Variants in EPHA4 observed in about 807,000 individuals in gnomAD.
EPHA4 encodes the protein EPH receptor A4, also known as ephrin type-A receptor 4.
In EPHA4, 19 loss-of-function variants were observed where a neutral mutation model predicts 108.3. That is an observed-to-expected ratio of 0.18 (90% confidence interval 0.12 to 0.26). The LOEUF is 0.26. Among genes scored for constraint, EPHA4 ranks in the 10% least tolerant of loss-of-function variants. The probability of loss-of-function intolerance (pLI) is 1.00; values close to 1 mark genes in which losing one functional copy is unlikely to be tolerated. For missense variants in EPHA4, 917 were observed against 1,254.0 expected, an observed-to-expected ratio of 0.73 and a Z score of 4.06; for synonymous variants, 449 against 455.5, an observed-to-expected ratio of 0.99 and a Z score of 0.18.
intron 5 of EPHA4, among the ~76,000 whole-genome samples, chr2:221,478,966 C>T (rs1285666890): frequency 6.6e-6 from 1 of 152,164 alleles, no homozygotes; most frequent in Non-Finnish European, 1.5e-5. Flanking sequence ...AGAAGGGGAG[C>T]AAAAGGGTGT....
chr2:221,421,548 G>A (rs749644464), intron 17 of EPHA4, among the ~76,000 whole-genome samples: 2 of 152,194 alleles, frequency 1.3e-5, no homozygotes, highest in African/African-American at 4.8e-5. Context: ...CTAATCAGCC[G>A]CAGGCTGGAA....
At chr2:221,516,136 T>C (rs1692981652) in intron 3 of EPHA4, among the ~76,000 whole-genome samples, 1 of 152,102 alleles carries the variant, frequency 6.6e-6, no homozygotes, top group Admixed American at 6.5e-5. Context: ...CCCTGCTATG[T>C]AGAAGTGGAG....
chr2:221,572,541 A>G, upstream of EPHA4: 1 of 234,470 alleles, frequency 4.3e-6, no homozygotes. Flanking sequence ...TGCCGGAGGG[A>G]GCCAGCGGGA....
At chr2:221,471,628 G>A (rs981350622) in intron 5 of EPHA4, among the ~76,000 whole-genome samples, 1 of 152,138 alleles carries the variant, frequency 6.6e-6, no homozygotes, top group South Asian at 2.1e-4. Flanking sequence ...CAGTGAGATA[G>A]AAAGGGCTCT....
intron 8 of EPHA4, among the ~76,000 whole-genome samples, chr2:221,455,043 C>A (rs970260358): frequency 6.6e-6 from 1 of 152,220 alleles, no homozygotes; most frequent in Admixed American, 6.5e-5. Context: ...GAAGCACCTC[C>A]TGTGTGCTGT....
At chr2:221,455,480 A>T in intron 8 of EPHA4, 67 bp downstream of exon 8, 1 of 1,233,338 alleles carries the variant, frequency 8.1e-7, no homozygotes, top group Non-Finnish European at 1.2e-6. Context: ...TTTGTGTGGA[A>T]GAGAAAAAAA....
chr2:221,520,297 T>A (rs919968046), intron 3 of EPHA4, among the ~76,000 whole-genome samples: 1 of 152,280 alleles, frequency 6.6e-6, no homozygotes, highest in East Asian at 1.9e-4. Context: ...CTACAAATAA[T>A]GAAATTTTAT....
In EPHA4 at chr2:221,564,092, G is replaced by T; in HGVS notation, c.462C>A (p.Phe154Leu). 1 of 1,614,150 alleles carries T rather than the reference G, an allele frequency of 6.2e-7. No homozygotes were observed. The highest frequency in any genetic ancestry group is 8.5e-7 in the Non-Finnish European group (1 of 1,180,024). The stretch of plus-strand genomic sequence containing the variant: ...TTCTGTCACCAATGTCCACTTGGGT[G>T]AAGCTCTCATCAGCAGCAATGGTGT... Reference protein sequence around the residue: ...KIDTIAADESFTQVDIGDRIM... With the variant: ...KIDTIAADESLTQVDIGDRIM... The change falls in exon 3 of 18, where the codon TTC becomes TTA. Residue 154 changes from phenylalanine (F) to leucine (L), a missense_variant. Around this residue, in one of 3 missense-constraint regions of EPHA4, gnomAD observed 758 missense variants for 1,076.7 expected, o/e 0.70. Coordinates refer to ENST00000281821, the MANE Select transcript of EPHA4 (RefSeq NM_004438.5).
intron 4 of EPHA4, among the ~76,000 whole-genome samples, chr2:221,483,930 A>C (rs1402591663): frequency 1.3e-5 from 2 of 152,274 alleles, no homozygotes; most frequent in East Asian, 3.9e-4. Context: ...TAGCTGCCAC[A>C]CTCAAACGAG....
In EPHA4 at chr2:221,494,623, A is replaced by G. The variant is rs74271641; in HGVS notation, c.979+6394T>C. Reference sequence around the variant, plus strand: ...CTCTATCTCAAAAAAGGGAAAACAAAAAAAGAAAGTTACTTTAAATATAAC... The same window carrying G: ...CTCTATCTCAAAAAAGGGAAAACAAGAAAAGAAAGTTACTTTAAATATAAC... On this transcript the variant is annotated intron_variant, in intron 4 of 17. Coordinates refer to ENST00000281821, the MANE Select transcript of EPHA4 (RefSeq NM_004438.5). 0.012 allele frequency among the ~76,000 whole-genome samples: 1,860 copies of G among 152,298 alleles called. 127 individuals carry two copies. The East Asian group carries it at 0.18, about 14-fold the overall frequency.
At position 221,448,132 on chromosome 2, in the gene EPHA4, G is replaced by A. The variant is rs560941862; in HGVS notation, c.1716-1951C>T. On this transcript the variant is annotated intron_variant, in intron 8 of 17. Coordinates refer to ENST00000281821, the MANE Select transcript of EPHA4 (RefSeq NM_004438.5). The stretch of plus-strand genomic sequence containing the variant: ...GCTGGGATTATAGGCATGAACCACC[G>A]CACCCAGCCAGAATCTATTATTTAA... 7.2e-5 allele frequency among the ~76,000 whole-genome samples: 11 copies of A among 151,836 alleles called. No individual in the cohort carries two copies. In the South Asian group the frequency reaches 1.5e-3, roughly 20 times the overall value.
At position 221,526,822 on chromosome 2, in the gene EPHA4, C is replaced by G. The variant is rs374572960; in HGVS notation, c.824-25650G>C. The stretch of plus-strand genomic sequence containing the variant: ...AGATCGAGATCGCGCCATTGCATTC[C>G]AGCCTGGGCAATATAGCCAGACTCG... On this transcript the variant is annotated intron_variant, in intron 3 of 17. Coordinates refer to ENST00000281821, the MANE Select transcript of EPHA4 (RefSeq NM_004438.5). Among the ~76,000 whole-genome samples, 14 of 126,886 alleles carry G rather than the reference C, an allele frequency of 1.1e-4. No individual in the cohort carries two copies. The East Asian group carries it at 3.6e-3, about 33-fold the overall frequency. 83.2% of individuals were successfully genotyped at this position (126,886 alleles called of 152,430 possible).
intron 3 of EPHA4, among the ~76,000 whole-genome samples, chr2:221,535,585 C>G (rs1017255430): frequency 1.3e-5 from 2 of 151,454 alleles, no homozygotes; most frequent in African/African-American, 4.9e-5. Context: ...TTCTTTTTTT[C>G]TGTTTTTTTT....
In EPHA4 at chr2:221,529,835, T is replaced by C. The variant is rs146404241; in HGVS notation, c.824-28663A>G. ...AAGCAAACAACTTTTGTTTTTCCCCTACATTTGAGGAAACCCACGAGTCTA... is the reference window on the plus strand; with the variant it reads ...AAGCAAACAACTTTTGTTTTTCCCCCACATTTGAGGAAACCCACGAGTCTA... On this transcript the variant is annotated intron_variant, in intron 3 of 17. Coordinates refer to ENST00000281821, the MANE Select transcript of EPHA4 (RefSeq NM_004438.5). Among the ~76,000 whole-genome samples, 16 of 152,240 alleles carry C rather than the reference T, an allele frequency of 1.1e-4. No homozygotes were observed. In the South Asian group the frequency reaches 3.1e-3, roughly 30 times the overall value.
At chr2:221,459,461 A>T (rs1331233890) in intron 5 of EPHA4, among the ~76,000 whole-genome samples, 2 of 152,132 alleles carry the variant, frequency 1.3e-5, no homozygotes, top group African/African-American at 4.8e-5. Context: ...ACAAAGCTGC[A>T]TGCGGCAGAC....
chr2:221,509,647 T>C (rs551764766), intron 3 of EPHA4, among the ~76,000 whole-genome samples: 2 of 152,214 alleles, frequency 1.3e-5, no homozygotes, highest in South Asian at 2.1e-4. Flanking sequence ...TAATCAAGTG[T>C]ATAAAGGAAT....
At chr2:221,491,461 G>A (rs976868822) in intron 4 of EPHA4, among the ~76,000 whole-genome samples, 1 of 152,170 alleles carries the variant, frequency 6.6e-6, no homozygotes, top group African/African-American at 2.4e-5. Context: ...GCGCAAAGCT[G>A]TGATCAGAAA....
intron 3 of EPHA4, among the ~76,000 whole-genome samples, chr2:221,519,092 T>G (rs144494763): frequency 1.8e-3 from 275 of 152,216 alleles, no homozygotes; most frequent in African/African-American, 6.2e-3. Flanking sequence ...AAGAGATAAG[T>G]CCCTTTGCAG....
At chr2:221,490,118 C>G (rs1417866890) in intron 4 of EPHA4, among the ~76,000 whole-genome samples, 1 of 145,114 alleles carries the variant, frequency 6.9e-6, no homozygotes, top group Non-Finnish European at 1.5e-5. Context: ...TGTACTCTAG[C>G]CTGAGTGATG....
Sources: gnomAD v4.1 joint callset for allele counts (sites outside exome capture counted in the v4.1 genomes callset) on GRCh38, gnomAD v4.1.1 for gene constraint, gnomAD v4.1.1 regional missense constraint, MANE v1.5 for transcripts, NCBI Gene and HGNC (gene_info 2026-07-23, HGNC 2026-07-21) for gene names.